The following PHYKPL variants were observed in gnomAD, a reference collection of about 807,000 sequenced individuals.
PHYKPL encodes 5-phosphonooxy-L-lysine phospho-lyase.
Under a neutral mutation model 51.3 loss-of-function variants are expected in PHYKPL, and 42 were observed. That is an observed-to-expected ratio of 0.82 (90% CI 0.64 to 1.06). The LOEUF (loss-of-function observed/expected upper bound fraction) is 1.06. Among genes scored for constraint, PHYKPL ranks in the 50% least tolerant of loss-of-function variants. The probability of loss-of-function intolerance (pLI) is 0.00; values close to 1 mark genes in which losing one functional copy is unlikely to be tolerated. For missense variants in PHYKPL, 655 were observed against 586.6 expected (o/e 1.12, Z -1.20); for synonymous variants, 264 against 236.0 (o/e 1.12, Z -1.09).
intron 8 of PHYKPL, 75 bp from the exon 9 acceptor site, chr5:178,215,505 G>C: frequency 3.3e-6 from 5 of 1,505,992 alleles, no homozygotes; most frequent in Non-Finnish European, 4.5e-6. Flanking sequence ...TGAGGCAGAA[G>C]AACTGCCACA....
intron 10 of PHYKPL, among the ~76,000 whole-genome samples, chr5:178,213,726 C>T (rs1034760107): frequency 6.6e-6 from 1 of 152,106 alleles, no homozygotes; most frequent in Non-Finnish European, 1.5e-5. Context: ...TTTTGTAAAC[C>T]TTGTTATTTT....
rs972107630 is a variant in PHYKPL, at chr5:178,232,107, G to A, written c.59+385C>T. ...CAGCCCCCTCCCAGGTCACTCTCGA[G>A]CCAGGCCCAGGTGCTGCTGACGGGC... On this transcript the variant is annotated intron_variant, in intron 1 of 12. Transcript: ENST00000308158. 5 of 1,193,238 alleles carry A rather than the reference G, an allele frequency of 4.2e-6. No individual in the cohort carries two copies. In the African/African-American group the frequency reaches 7.9e-5, roughly 19 times the overall value. 73.9% of individuals were successfully genotyped at this position (1,193,238 alleles called of 1,614,324 possible).
Position 178,229,782 on chromosome 5 carries a change from G to GC in PHYKPL, c.338+157dup, listed in dbSNP as rs889964127. ...AAGGAAACTGGATCCAACAGAGAAA[G>GC]CATCAGGGCCTACAGCCGGGAATCT... On this transcript the variant is annotated intron_variant, in intron 3 of 12. Transcript: ENST00000308158. 1.4e-4 allele frequency: 111 copies of GC among 799,346 alleles called. No individual in the cohort carries two copies. In the African/African-American group the frequency reaches 1.6e-3, roughly 12 times the overall value. The allele number at this position is 799,346 out of a possible 1,614,324, so 49.5% of individuals were successfully genotyped here.
At chr5:178,211,616 C>A (rs1863991) in intron 12 of PHYKPL, 9 of 392,880 alleles carry the variant, frequency 2.3e-5, no homozygotes, top group African/African-American at 8.2e-5. Context: ...GTATTTAGGG[C>A]ATAAGACTAG....
At chr5:178,228,093 A>C (rs905312920) in intron 3 of PHYKPL, 11 of 172,872 alleles carry the variant, frequency 6.4e-5, no homozygotes, top group Admixed American at 2.4e-4. Flanking sequence ...AGGGGCAGTT[A>C]GAACCTCGAG....
Position 178,230,082 on chromosome 5 carries a change from G to A in PHYKPL, c.196C>T (p.Leu66Phe), listed in dbSNP as rs765383631. The A allele has an allele frequency of 6.2e-7, 1 of 1,614,060 alleles. No individual in the cohort carries two copies. Among genetic ancestry groups the A allele is most frequent in the Non-Finnish European group, 8.5e-7 (1 of 1,180,034 alleles). The change falls in exon 3 of 13, where the codon CTC becomes TTC. Residue 66 changes from leucine to phenylalanine, a missense_variant. Coordinates refer to ENST00000308158, the MANE Select transcript of PHYKPL (RefSeq NM_153373.4). ...TGCTCATGTGCTGCTTGGACCACGA[G>A]AGGGTGGCAGTGCCCAACTGGAAGA... is the stretch of plus-strand genomic sequence containing the variant. ...NVAHVGHCHP[L>F]VVQAAHEQNQ...
intron 1 of PHYKPL, 55 bp downstream of exon 1, chr5:178,232,427 TCGTGCGTGCG>T (rs1399015074): frequency 3.7e-6 from 5 of 1,365,598 alleles, no homozygotes; most frequent in African/African-American, 1.6e-5. Context: ...CGTGCGTGCG[TCGTGCGTGCG>T]CGTGCCTCTC....
intron 12 of PHYKPL, chr5:178,209,362 C>T: frequency 2.5e-6 from 4 of 1,614,116 alleles, no homozygotes; most frequent in Non-Finnish European, 3.4e-6. Flanking sequence ...CCAAAGAAGT[C>T]TATCAGCAGC....
At chr5:178,225,811 G>A (rs1462273338) in intron 3 of PHYKPL, 3 of 231,994 alleles carry the variant, frequency 1.3e-5, no homozygotes, top group Non-Finnish European at 2.6e-5. Context: ...GTTCTGCAGC[G>A]GACACCAGTT....
chr5:178,228,156 CATGGATGCTATGTAATACCAAGAGA>C (rs571376319), intron 3 of PHYKPL: 27 of 204,698 alleles, frequency 1.3e-4, no homozygotes, highest in African/African-American at 5.6e-4. Context: ...GTCACCAACA[CATGGATGCTATGTAATACCAAGAGA>C]ATGGAAGAGA....
At chr5:178,210,054 A>T in intron 12 of PHYKPL, 2 of 1,573,144 alleles carry the variant, frequency 1.3e-6, no homozygotes, top group Non-Finnish European at 8.6e-7. Flanking sequence ...TGCCACCCCA[A>T]AGGGCAGGAT....
chr5:178,208,986 C>G lies in PHYKPL; in HGVS notation c.*32-71G>C, dbSNP rs1757326987. 1.2e-5 allele frequency: 3 copies of G among 245,312 alleles called. No homozygotes were observed. The South Asian group carries it at 1.8e-4, about 15-fold the overall frequency. 15.2% of individuals were successfully genotyped at this position (245,312 alleles called of 1,614,324 possible). On this transcript the variant is annotated intron_variant, in intron 12 of 12. Transcript: ENST00000308158. ...CATCTGAGAAGTCTTGTCTGACCCT[C>G]TAGCCCAGCAGGACCAAGGTGTGGT...
chr5:178,210,780 C>CTATTTCCAGAGCTCTAGGTGTT, intron 12 of PHYKPL: 1 of 661,556 alleles, frequency 1.5e-6, no homozygotes, highest in Non-Finnish European at 2.7e-6. Flanking sequence ...CTCCTGTTGA[C>CTATTTCCAGAGCTCTAGGTGTT]TATTTCCAGA....
At chr5:178,232,005 T>C in intron 1 of PHYKPL, 1 of 1,202,770 alleles carries the variant, frequency 8.3e-7, no homozygotes, top group South Asian at 1.5e-5. Flanking sequence ...TCACCCACCG[T>C]CCCACCGAGG....
chr5:178,212,008 T>C (rs767461935), intron 11 of PHYKPL, 38 bp from the exon 12 acceptor site: 7 of 1,612,012 alleles, frequency 4.3e-6, no homozygotes, highest in East Asian at 2.2e-5. Context: ...CTCAGTCACC[T>C]TTCTCTGCTG....
Position 178,232,521 on chromosome 5 carries a change from G to C in PHYKPL, c.30C>G (p.Asp10Glu). The change falls in exon 1 of 13, where the codon GAC becomes GAG. Residue 10 changes from aspartate to glutamate, a missense_variant. By Grantham distance (45) the Asp-to-Glu change is conservative (BLOSUM62 2). Coordinates refer to ENST00000308158, the MANE Select transcript of PHYKPL (RefSeq NM_153373.4). ...TGAGCCGTTGCCTCAGGGCCAGCGT[G>C]TCGGCCTTCGGGCGCTGGTCTGCGG... MAADQRPKA[D>E]TLALRQRLIS... is the part of the protein sequence containing the mutation. 1 of 1,330,582 alleles carries C rather than the reference G, an allele frequency of 7.5e-7. No homozygotes were observed. Among genetic ancestry groups the C allele is most frequent in the South Asian group, 2.1e-5 (1 of 48,386 alleles). The allele number at this position is 1,330,582 out of a possible 1,614,324, so 82.4% of individuals were successfully genotyped here.
chr5:178,209,399 A>G (rs1171082874), intron 12 of PHYKPL: 2 of 1,614,130 alleles, frequency 1.2e-6, no homozygotes, highest in Admixed American at 3.3e-5. Flanking sequence ...GGGCCGTGGA[A>G]ACCGCAACCG....
chr5:178,209,437 T>TGGA (rs1757483742), intron 12 of PHYKPL: 1 of 1,613,286 alleles, frequency 6.2e-7, no homozygotes, highest in Non-Finnish European at 8.5e-7. Flanking sequence ...GAGGTGGTGG[T>TGGA]GGAGGTGGAG....
intron 6 of PHYKPL, chr5:178,223,918 C>T (rs188943539): frequency 2.9e-4 from 56 of 193,976 alleles, no homozygotes; most frequent in Admixed American, 5.5e-4. Flanking sequence ...CTCAAGCCGC[C>T]GCATTCCAAT....
Sources: allele counts gnomAD v4.1 joint callset (sites outside exome capture counted in the v4.1 genomes callset), GRCh38; gene constraint gnomAD v4.1.1; transcripts MANE v1.5; gene names NCBI Gene and HGNC (gene_info 2026-07-23, HGNC 2026-07-21).